Variants in NELL2 observed in about 807,000 individuals in gnomAD.
NELL2 encodes the protein neural EGFL like 2, also known as protein kinase C-binding protein NELL2.
In NELL2, 41 loss-of-function variants were observed where a neutral mutation model predicts 109.6. That is an observed-to-expected ratio of 0.37 (90% CI 0.29 to 0.49). NELL2 has a LOEUF of 0.49. Among genes scored for constraint, NELL2 ranks in the 20% least tolerant of loss-of-function variants. NELL2 has a pLI of 0.98. For synonymous variants in NELL2, 355 were observed against 344.7 expected (o/e 1.03, Z -0.33); for missense variants, 900 against 1,008.3 (o/e 0.89, Z 1.45).
At chr12:44,808,455 C>T (rs1314565159) in intron 3 of NELL2, among the ~76,000 whole-genome samples, 1 of 151,760 alleles carries the variant, frequency 6.6e-6, no homozygotes, top group African/African-American at 2.4e-5. Context: ...TTAAAATACA[C>T]AACAGAGATG....
At chr12:44,654,710 A>G (rs1247142318) in intron 13 of NELL2, among the ~76,000 whole-genome samples, 3 of 152,122 alleles carry the variant, frequency 2.0e-5, no homozygotes, top group African/African-American at 4.8e-5. Flanking sequence ...AAGAAACTCT[A>G]TCTCAGGGCC....
chr12:44,737,478 A>G (rs1939712512), intron 9 of NELL2, among the ~76,000 whole-genome samples: 1 of 152,072 alleles, frequency 6.6e-6, no homozygotes, highest in Admixed American at 6.6e-5. Flanking sequence ...TTTTCATGCA[A>G]CAAATCTCTA....
intron 10 of NELL2, among the ~76,000 whole-genome samples, chr12:44,713,757 T>C (rs1444403415): frequency 6.6e-6 from 1 of 151,912 alleles, no homozygotes; most frequent in Non-Finnish European, 1.5e-5. Flanking sequence ...GGATAGCTTC[T>C]TTCAGATTCA....
At chr12:44,878,412 A>G (rs1945373621), upstream of NELL2, among the ~76,000 whole-genome samples, 1 of 152,238 alleles carries the variant, frequency 6.6e-6, no homozygotes, top group Non-Finnish European at 1.5e-5. Context: ...GAGCCATTGT[A>G]TTAGCTAGGG....
chr12:44,599,932 A>G (rs922386890), intron 15 of NELL2, among the ~76,000 whole-genome samples: 1 of 149,888 alleles, frequency 6.7e-6, no homozygotes, highest in Non-Finnish European at 1.5e-5. Flanking sequence ...TACTGCCTTC[A>G]TAGTGCGTAG....
chr12:44,760,836 C>A (rs1406011954), intron 9 of NELL2, among the ~76,000 whole-genome samples: 1 of 151,846 alleles, frequency 6.6e-6, no homozygotes, highest in Admixed American at 6.6e-5. Flanking sequence ...AGGACAGGGC[C>A]TTTTAAAGCA....
intron 15 of NELL2, among the ~76,000 whole-genome samples, chr12:44,573,797 A>C (rs1943961601): frequency 6.6e-6 from 1 of 152,216 alleles, no homozygotes; most frequent in Non-Finnish European, 1.5e-5. Flanking sequence ...TGCAAGAGGA[A>C]ACATTTAAGA....
chr12:44,850,613 C>T (rs991408626), intron 2 of NELL2, among the ~76,000 whole-genome samples: 7 of 152,054 alleles, frequency 4.6e-5, no homozygotes, highest in Non-Finnish European at 1.0e-4. Context: ...AAAAAGTTAA[C>T]GTCAGAAACA....
intron 2 of NELL2, among the ~76,000 whole-genome samples, chr12:44,843,325 C>G (rs1944281484): frequency 1.3e-5 from 2 of 152,126 alleles, no homozygotes; most frequent in South Asian, 4.2e-4. Flanking sequence ...TATTTATCAT[C>G]AGAGAAATGC....
At chr12:44,713,183 C>CAT (rs1018892631) in intron 10 of NELL2, among the ~76,000 whole-genome samples, 2 of 91,718 alleles carry the variant, frequency 2.2e-5, no homozygotes, top group African/African-American at 1.1e-4. Context: ...AGGATACACA[C>CAT]ACACACACAC....
chr12:44,671,714 G>C (rs1288709915), intron 12 of NELL2, among the ~76,000 whole-genome samples: 1 of 152,066 alleles, frequency 6.6e-6, no homozygotes, highest in Non-Finnish European at 1.5e-5. Flanking sequence ...GACTGAACCA[G>C]AAAGAAATAA....
At chr12:44,750,290 T>TAG (rs756741416) in intron 9 of NELL2, among the ~76,000 whole-genome samples, 7 of 152,198 alleles carry the variant, frequency 4.6e-5, no homozygotes, top group Admixed American at 2.6e-4. Context: ...CATAATTACC[T>TAG]AGCAGGTAGA....
intron 15 of NELL2, among the ~76,000 whole-genome samples, chr12:44,534,150 A>T (rs572384265): frequency 1.8e-3 from 280 of 152,198 alleles, no homozygotes; most frequent in Non-Finnish European, 2.4e-3. Flanking sequence ...TTCTTATAAA[A>T]TGTCCTCTTT....
At chr12:44,730,633 C>T (rs1250565949) in intron 9 of NELL2, among the ~76,000 whole-genome samples, 3 of 151,510 alleles carry the variant, frequency 2.0e-5, no homozygotes, top group Non-Finnish European at 2.9e-5. Context: ...ACAGCAAAAG[C>T]AGTAAAAAAG....
Position 44,711,101 on chromosome 12 carries a change from T to C in NELL2, c.1189+191A>G, listed in dbSNP as rs146491905. On this transcript the variant is annotated intron_variant, in intron 11 of 19. Transcript: ENST00000429094. ...GCAGAAATGCACAGGAGCAGTTCAG[T>C]TTTAATTCAGTTCAGTAAATATTTC... Among the ~76,000 whole-genome samples, 594 of 152,208 alleles carry C rather than the reference T, an allele frequency of 3.9e-3. 3 individuals are homozygous for C. Among genetic ancestry groups the C allele is most frequent in the Middle Eastern group, 0.02 (6 of 294 alleles).
chr12:44,759,624 AT>A, intron 9 of NELL2, among the ~76,000 whole-genome samples: 1 of 152,172 alleles, frequency 6.6e-6, no homozygotes, highest in Admixed American at 6.5e-5. Flanking sequence ...CTGCCAAACT[AT>A]TTCTTAAGCT....
intron 15 of NELL2, among the ~76,000 whole-genome samples, chr12:44,546,854 AC>A (rs1315177636): frequency 1.3e-5 from 2 of 152,142 alleles, no homozygotes; most frequent in African/African-American, 4.8e-5. Flanking sequence ...TTTAAAAAAA[AC>A]CTTTGGCTTG....
chr12:44,834,822 A>G (rs1439937207), intron 2 of NELL2, among the ~76,000 whole-genome samples: 1 of 151,988 alleles, frequency 6.6e-6, no homozygotes, highest in African/African-American at 2.4e-5. Flanking sequence ...GGACTGATCA[A>G]CTCTGCTTGG....
chr12:44,674,573 T>C (rs1305040022), intron 12 of NELL2, among the ~76,000 whole-genome samples: 1 of 152,094 alleles, frequency 6.6e-6, no homozygotes, highest in Non-Finnish European at 1.5e-5. Flanking sequence ...GAAATACAAT[T>C]ATGGGAAAGG....
Sources: gnomAD v4.1 joint callset for allele counts (sites outside exome capture counted in the v4.1 genomes callset) on GRCh38, gnomAD v4.1.1 for gene constraint, MANE v1.5 for transcripts, NCBI Gene and HGNC (gene_info 2026-07-23, HGNC 2026-07-21) for gene names.